The following ASTN2 variants were observed in gnomAD, a reference collection of about 807,000 sequenced individuals.
ASTN2 encodes the protein astrotactin 2, also known as astrotactin-2.
ASTN2 carries 54 observed loss-of-function variants against 139.8 expected under a neutral mutation model. That is an observed-to-expected ratio of 0.39 (90% CI 0.31 to 0.48). ASTN2 has a LOEUF of 0.48. ASTN2 is among the 20% of genes least tolerant of loss of function. ASTN2 has a pLI of 0.95. For synonymous variants in ASTN2, 756 were observed against 719.5 expected (o/e 1.05, Z -0.81); for missense variants, 1,565 against 1,725.1 (o/e 0.91, Z 1.64).
intron 16 of ASTN2, among the ~76,000 whole-genome samples, chr9:116,720,009 A>G (rs1828427979): frequency 6.6e-6 from 1 of 152,186 alleles, no homozygotes; most frequent in African/African-American, 2.4e-5. Flanking sequence ...TTGCCATCTT[A>G]AAAGCAAGTT....
chr9:116,887,202 AATG>A (rs2132381577), intron 10 of ASTN2, among the ~76,000 whole-genome samples: 4 of 152,260 alleles, frequency 2.6e-5, no homozygotes, highest in South Asian at 4.2e-4. Context: ...CAAATTCAAC[AATG>A]GCTGAGTACT....
chr9:116,747,667 C>A (rs2132148137), intron 13 of ASTN2, among the ~76,000 whole-genome samples: 1 of 151,444 alleles, frequency 6.6e-6, no homozygotes, highest in Admixed American at 6.6e-5. Context: ...TACTGCCCAC[C>A]CTCATTTATA....
intron 10 of ASTN2, among the ~76,000 whole-genome samples, chr9:116,951,514 A>G (rs758080265): frequency 3.3e-5 from 5 of 152,102 alleles, no homozygotes; most frequent in Non-Finnish European, 5.9e-5. Flanking sequence ...ACAAAGATAA[A>G]GGAGAGGGAA....
Position 116,444,261 on chromosome 9 carries a change from A to G in ASTN2, c.3498-1708T>C, listed in dbSNP as rs560091801. ...TGTCTTCTGATCACAGTTCTGTAGAAATCAACTCTGTAAAAATGTGATTCC... is the reference window on the plus strand; with the variant it reads ...TGTCTTCTGATCACAGTTCTGTAGAGATCAACTCTGTAAAAATGTGATTCC... On this transcript the variant is annotated intron_variant, in intron 20 of 22. Transcript: ENST00000313400. Among the ~76,000 whole-genome samples the G allele has an allele frequency of 1.8e-4, 28 of 152,304 alleles. No homozygotes were observed. In the South Asian group the frequency reaches 4.6e-3, roughly 25 times the overall value.
chr9:117,264,152 T>A (rs1390519987), intron 2 of ASTN2, among the ~76,000 whole-genome samples: 1 of 152,242 alleles, frequency 6.6e-6, no homozygotes, highest in Non-Finnish European at 1.5e-5. Flanking sequence ...ACTTAGTTTC[T>A]TGTCCAGTAA....
chr9:117,036,546 A>G (rs987276767), intron 6 of ASTN2, among the ~76,000 whole-genome samples: 2 of 152,004 alleles, frequency 1.3e-5, no homozygotes, highest in Admixed American at 1.3e-4. Context: ...CTACACTCCA[A>G]TCATCTCCTC....
rs11340280 is a variant in ASTN2, at chr9:116,694,627, A to AT, written c.2806+31143dup. Among the ~76,000 whole-genome samples the AT allele has an allele frequency of 4.0e-3, 510 of 128,028 alleles. 7 individuals are homozygous for AT. Among genetic ancestry groups the AT allele is most frequent in the African/African-American group, 0.013 (432 of 33,762 alleles). The allele number at this position is 128,028 out of a possible 152,430, so 84.0% of individuals were successfully genotyped here. On this transcript the variant is annotated intron_variant, in intron 16 of 22. Coordinates refer to ENST00000313400, the MANE Select transcript of ASTN2 (RefSeq NM_001365068.1). ...AGGCGCCTGCCACCACGCCCAGCTA[A>AT]TTTTTTTTTTTTTTTTTGTATTTTT...
At chr9:116,603,437 T>C (rs557912727) in intron 19 of ASTN2, among the ~76,000 whole-genome samples, 32 of 152,146 alleles carry the variant, frequency 2.1e-4, no homozygotes, top group African/African-American at 7.5e-4. Context: ...TGAGGCAGAA[T>C]GGAGAAATGG....
intron 4 of ASTN2, among the ~76,000 whole-genome samples, chr9:117,128,804 A>G (rs949163887): frequency 1.3e-5 from 2 of 152,324 alleles, no homozygotes; most frequent in Admixed American, 1.3e-4. Flanking sequence ...TAGAAGCCTC[A>G]CAATCATGGC....
intron 2 of ASTN2, among the ~76,000 whole-genome samples, chr9:117,269,902 C>T (rs1834024194): frequency 6.6e-6 from 1 of 152,302 alleles, no homozygotes; most frequent in African/African-American, 2.4e-5. Flanking sequence ...CTGCAAGAGG[C>T]ACTGTGCCAC....
At chr9:116,907,802 G>A (rs542686107) in intron 10 of ASTN2, among the ~76,000 whole-genome samples, 24 of 152,304 alleles carry the variant, frequency 1.6e-4, no homozygotes, top group Admixed American at 1.0e-3. Flanking sequence ...GTAAGGTGCT[G>A]CAGGAAAATC....
At chr9:116,852,421 T>C (rs896161455) in intron 11 of ASTN2, among the ~76,000 whole-genome samples, 3 of 152,196 alleles carry the variant, frequency 2.0e-5, no homozygotes, top group African/African-American at 7.2e-5. Context: ...CTATTCTTTT[T>C]ACTGGACTGG....
intron 7 of ASTN2, among the ~76,000 whole-genome samples, chr9:116,987,283 T>C (rs1418178173): frequency 6.6e-6 from 1 of 152,216 alleles, no homozygotes; most frequent in Non-Finnish European, 1.5e-5. Context: ...GATCTGGTTG[T>C]TTAAAAGCGT....
intron 19 of ASTN2, among the ~76,000 whole-genome samples, chr9:116,511,681 G>T (rs1850388301): frequency 6.6e-6 from 1 of 152,124 alleles, no homozygotes; most frequent in Non-Finnish European, 1.5e-5. Context: ...GAATTTCAGA[G>T]CCTGTGATTG....
intron 3 of ASTN2, among the ~76,000 whole-genome samples, chr9:117,212,562 CAAAA>C (rs1564481922): frequency 1.3e-5 from 2 of 151,120 alleles, no homozygotes; most frequent in Non-Finnish European, 1.5e-5. Flanking sequence ...ATTCCAACAG[CAAAA>C]ACAAAAAACA....
chr9:116,955,889 A>G (rs1340942916), intron 10 of ASTN2, among the ~76,000 whole-genome samples: 1 of 152,128 alleles, frequency 6.6e-6, no homozygotes, highest in Non-Finnish European at 1.5e-5. Context: ...TGCATGCAGG[A>G]GTTTCAGCTT....
intron 5 of ASTN2, among the ~76,000 whole-genome samples, chr9:117,074,692 G>A (rs1260757447): frequency 1.3e-5 from 2 of 152,200 alleles, no homozygotes; most frequent in African/African-American, 2.4e-5. Flanking sequence ...TGATGGTGCA[G>A]GGTGCCAAGA....
chr9:116,739,688 G>A (rs1829048543), intron 13 of ASTN2, among the ~76,000 whole-genome samples: 1 of 152,312 alleles, frequency 6.6e-6, no homozygotes, highest in East Asian at 1.9e-4. Context: ...TTGGACACCT[G>A]TCTTTCCCAC....
At chr9:117,278,338 A>G (rs1375295255) in intron 2 of ASTN2, among the ~76,000 whole-genome samples, 1 of 152,200 alleles carries the variant, frequency 6.6e-6, no homozygotes, top group Non-Finnish European at 1.5e-5. Context: ...CTTCCACACA[A>G]GAGGAAACAA....
Sources: allele counts gnomAD v4.1 joint callset (sites outside exome capture counted in the v4.1 genomes callset), GRCh38; gene constraint gnomAD v4.1.1; transcripts MANE v1.5; gene names NCBI Gene and HGNC (gene_info 2026-07-23, HGNC 2026-07-21).